TMEM71: variants seen among roughly 807,000 people sequenced by gnomAD.
The protein encoded by TMEM71 is transmembrane protein 71.
TMEM71 carries 44 observed loss-of-function variants against 38.0 expected under a neutral mutation model. The ratio of observed to expected loss-of-function variants is 1.16; its 90% CI spans 0.91 to 1.49. TMEM71 has a LOEUF of 1.49. TMEM71 is among the 40% of genes most tolerant of loss of function. The probability of loss-of-function intolerance (pLI) is 0.00; values close to 1 mark genes in which losing one functional copy is unlikely to be tolerated. For synonymous variants in TMEM71, 133 were observed against 122.5 expected, an observed-to-expected ratio of 1.09 and a Z score of -0.56; for missense variants, 367 against 348.6, an observed-to-expected ratio of 1.05 and a Z score of -0.42.
At chr8:132,753,593 G>A (rs1828848648) in intron 3 of TMEM71, among the ~76,000 whole-genome samples, 1 of 151,972 alleles carries the variant, frequency 6.6e-6, no homozygotes, top group Non-Finnish European at 1.5e-5. Flanking sequence ...CACTTACTAA[G>A]CACCCCCACA....
At chr8:132,723,381 G>T (rs573852567) in intron 6 of TMEM71, among the ~76,000 whole-genome samples, 1 of 151,418 alleles carries the variant, frequency 6.6e-6, no homozygotes, top group South Asian at 2.1e-4. Context: ...AATGGGTTTA[G>T]ATTTGAGATC....
intron 7 of TMEM71, among the ~76,000 whole-genome samples, chr8:132,719,963 C>T (rs1384169067): frequency 1.3e-5 from 2 of 152,180 alleles, no homozygotes; most frequent in African/African-American, 2.4e-5. Flanking sequence ...GAGAGTTTGT[C>T]ACTTTCCCTG....
At chr8:132,724,563 C>T (rs1827031270) in intron 6 of TMEM71, among the ~76,000 whole-genome samples, 1 of 152,134 alleles carries the variant, frequency 6.6e-6, no homozygotes, top group Admixed American at 6.6e-5. Flanking sequence ...CGCTGTTATT[C>T]TGTTGGTTTT....
At chr8:132,716,481 A>G (rs1826541416) in intron 7 of TMEM71, among the ~76,000 whole-genome samples, 1 of 152,232 alleles carries the variant, frequency 6.6e-6, no homozygotes, top group Admixed American at 6.5e-5. Context: ...CCTTTCAAAA[A>G]CAAGCATTTC....
intron 7 of TMEM71, among the ~76,000 whole-genome samples, chr8:132,720,541 C>T (rs986965245): frequency 6.6e-6 from 1 of 152,316 alleles, no homozygotes; most frequent in South Asian, 2.1e-4. Flanking sequence ...GAAGCACCCC[C>T]TCCGACACAC....
At chr8:132,759,022 T>A (rs1325241520) in intron 1 of TMEM71, 107 bp from the exon 2 acceptor site, 1 of 684,894 alleles carries the variant, frequency 1.5e-6, no homozygotes, top group African/African-American at 1.8e-5. Flanking sequence ...TTTACTGAAA[T>A]AATACAGAGA....
intron 5 of TMEM71, among the ~76,000 whole-genome samples, chr8:132,740,847 G>A (rs999718374): frequency 4.9e-4 from 74 of 152,264 alleles, no homozygotes; most frequent in African/African-American, 1.6e-3. Context: ...TTTGAACAGG[G>A]GGTCCTGTAT....
chr8:132,756,322 C>A (rs932444671), intron 3 of TMEM71, among the ~76,000 whole-genome samples: 1 of 149,262 alleles, frequency 6.7e-6, no homozygotes, highest in Non-Finnish European at 1.5e-5. Context: ...CAGATTGAGA[C>A]AAAGTAACAA....
chr8:132,751,811 G>A lies in TMEM71; in HGVS notation c.288C>T (p.Ser96=), dbSNP rs770505389. 9 of 1,613,584 alleles carry A rather than the reference G, an allele frequency of 5.6e-6. No homozygotes were observed. Among genetic ancestry groups the A allele is most frequent in the East Asian group, 2.2e-5 (1 of 44,898 alleles). ...GNITLNPSQT[S]VMYKENLVRI... ...TAACTAAGTTCTCCTTATACATAAC[G>A]CTGGTCTGGGATGGGTTCAGAGTTA... is the stretch of plus-strand genomic sequence containing the variant. Residue 96 remains serine (S), a synonymous_variant, in exon 4 of 10, where the codon AGC becomes AGT. Transcript: ENST00000677595.
intron 5 of TMEM71, among the ~76,000 whole-genome samples, chr8:132,732,783 A>G (rs1038611993): frequency 1.3e-5 from 2 of 152,154 alleles, no homozygotes; most frequent in Non-Finnish European, 2.9e-5. Context: ...GAGACAGTTT[A>G]CGTTGTCACA....
chr8:132,732,961 G>A (rs893731286), intron 5 of TMEM71, among the ~76,000 whole-genome samples: 9 of 152,144 alleles, frequency 5.9e-5, no homozygotes, highest in African/African-American at 1.7e-4. Context: ...TGACCTAACC[G>A]TCTAAGGCAA....
intron 5 of TMEM71, among the ~76,000 whole-genome samples, chr8:132,731,718 GA>G: frequency 6.6e-6 from 1 of 152,206 alleles, no homozygotes; most frequent in African/African-American, 2.4e-5. Context: ...AGGGACAAAA[GA>G]AAAACAGGGA....
At chr8:132,717,440 A>T (rs1826594962) in intron 7 of TMEM71, among the ~76,000 whole-genome samples, 1 of 152,264 alleles carries the variant, frequency 6.6e-6, no homozygotes, top group Non-Finnish European at 1.5e-5. Flanking sequence ...TTGAATAGAC[A>T]TTTCTGTAAA....
chr8:132,768,315 G>A, the TMEM71 span, among the ~76,000 whole-genome samples: 4 of 152,080 alleles, frequency 2.6e-5, no homozygotes, highest in South Asian at 2.1e-4. Flanking sequence ...ATTTCCTTTG[G>A]TCACAAATAT....
At chr8:132,722,490 T>G (rs1423534969) in intron 6 of TMEM71, among the ~76,000 whole-genome samples, 1 of 152,228 alleles carries the variant, frequency 6.6e-6, no homozygotes, top group Admixed American at 6.5e-5. Flanking sequence ...AAGTGCCTTA[T>G]AATTCACAAA....
Position 132,746,954 on chromosome 8 carries a change from A to G in TMEM71, c.475T>C (p.Cys159Arg). Residue 159 changes from cysteine to arginine, a missense_variant, in exon 5 of 10, where the codon TGC (cysteine) becomes CGC (arginine). Physicochemically the swap from Cys to Arg is radical, Grantham distance 180 (BLOSUM62 -3). Coordinates refer to ENST00000677595, the MANE Select transcript of TMEM71 (RefSeq NM_001382403.1). ...GACTCAAACTCACCATTTCCATTGC[A>G]ATGGTCTGTGTCCAACCTCCTGGTC... ...KGTRRLDTDH[C>R]NGNADDLDCS... 6.3e-7 allele frequency: 1 copy of G among 1,597,432 alleles called. No individual in the cohort carries two copies. Among genetic ancestry groups the G allele is most frequent in the Non-Finnish European group, 8.5e-7 (1 of 1,174,724 alleles).
intron 5 of TMEM71, among the ~76,000 whole-genome samples, chr8:132,746,027 A>G (rs1243435265): frequency 1.4e-5 from 2 of 145,310 alleles, no homozygotes; most frequent in African/African-American, 5.2e-5. Flanking sequence ...TGGGGGAGAG[A>G]GAGAAGGGGG....
At chr8:132,716,494 T>C (rs893426644) in intron 7 of TMEM71, among the ~76,000 whole-genome samples, 1 of 152,238 alleles carries the variant, frequency 6.6e-6, no homozygotes, top group Non-Finnish European at 1.5e-5. Context: ...AGCATTTCAT[T>C]TAATAACAGT....
At chr8:132,771,174 A>G in the TMEM71 span, among the ~76,000 whole-genome samples, 4 of 152,170 alleles carry the variant, frequency 2.6e-5, no homozygotes, top group Non-Finnish European at 5.9e-5. Flanking sequence ...CTAATTTCTC[A>G]TGATTATTTC....
Sources: allele counts gnomAD v4.1 joint callset (sites outside exome capture counted in the v4.1 genomes callset), GRCh38; gene constraint gnomAD v4.1.1; transcripts MANE v1.5; gene names NCBI Gene and HGNC (gene_info 2026-07-23, HGNC 2026-07-21).